The following KPNA1 variants were observed in gnomAD, a reference collection of about 807,000 sequenced individuals.
The protein encoded by KPNA1 is importin subunit alpha-5.
Under a neutral mutation model 70.5 loss-of-function variants are expected in KPNA1, and 10 were observed. The ratio of observed to expected loss-of-function variants is 0.14; its 90% CI spans 0.09 to 0.24. The LOEUF (loss-of-function observed/expected upper bound fraction) is 0.24, where lower values mean the gene tolerates loss of function less well. Among genes scored for constraint, KPNA1 ranks in the 10% least tolerant of loss-of-function variants. KPNA1 has a pLI of 1.00. For missense variants in KPNA1, 397 were observed against 637.9 expected (o/e 0.62, Z 4.07); for synonymous variants, 192 against 221.9 (o/e 0.87, Z 1.20).
At chr3:122,493,363 A>T (rs2107494955) in intron 2 of KPNA1, among the ~76,000 whole-genome samples, 1 of 152,214 alleles carries the variant, frequency 6.6e-6, no homozygotes, top group South Asian at 2.1e-4. Context: ...AGAAAAAAAA[A>T]AAAACAGTAT....
At chr3:122,455,277 T>C (rs2107739780) in intron 5 of KPNA1, among the ~76,000 whole-genome samples, 1 of 152,250 alleles carries the variant, frequency 6.6e-6, no homozygotes, top group Admixed American at 6.5e-5. Context: ...CCAATGGATG[T>C]TCCAAAGAAA....
At chr3:122,512,714 T>G (rs979184811) in intron 1 of KPNA1, among the ~76,000 whole-genome samples, 3 of 152,150 alleles carry the variant, frequency 2.0e-5, no homozygotes, top group African/African-American at 7.2e-5. Flanking sequence ...AGAGCAAGCA[T>G]CCAAAAAAAT....
chr3:122,449,839 G>A, intron 8 of KPNA1, 102 bp from the exon 9 acceptor site: 1 of 883,774 alleles, frequency 1.1e-6, no homozygotes, highest in African/African-American at 1.7e-5. Flanking sequence ...GTGACTTCTA[G>A]GGTGATTTAC....
intron 11 of KPNA1, among the ~76,000 whole-genome samples, chr3:122,436,349 T>C (rs7626861): frequency 0.12 from 18,494 of 152,294 alleles, 1,326 homozygotes; most frequent in East Asian, 0.32. Flanking sequence ...TGATATTTTA[T>C]TGCCTTGTGA....
intron 11 of KPNA1, among the ~76,000 whole-genome samples, chr3:122,436,723 A>G (rs1159665085): frequency 6.6e-6 from 1 of 152,234 alleles, no homozygotes; most frequent in African/African-American, 2.4e-5. Flanking sequence ...AAAGCTGACT[A>G]TGAAATAAGA....
intron 2 of KPNA1, among the ~76,000 whole-genome samples, chr3:122,479,175 AAAAC>A (rs1190806433): frequency 1.3e-5 from 2 of 152,224 alleles, no homozygotes; most frequent in Admixed American, 6.5e-5. Flanking sequence ...ACTTAACAGG[AAAAC>A]AAACAACCCA....
At chr3:122,486,386 T>C (rs749186105) in intron 2 of KPNA1, among the ~76,000 whole-genome samples, 25 of 152,212 alleles carry the variant, frequency 1.6e-4, no homozygotes, top group Non-Finnish European at 3.5e-4. Flanking sequence ...ACACGTTGCA[T>C]AATTCCATTT....
chr3:122,449,565 A>T lies in KPNA1; in HGVS notation c.917+9T>A, dbSNP rs1560026376. ...AGAAAGTGGACACACTTTCTAAAAG[A>T]TATCTTACATCAGCAGTTCCACAAG... On this transcript the variant is annotated intron_variant, in intron 9 of 13. Transcript: ENST00000344337. The T allele has an allele frequency of 6.2e-7, 1 of 1,602,508 alleles. No individual in the cohort carries two copies. Among genetic ancestry groups the T allele is most frequent in the Admixed American group, 1.7e-5 (1 of 57,824 alleles).
intron 2 of KPNA1, among the ~76,000 whole-genome samples, chr3:122,494,444 G>A (rs2076734366): frequency 6.6e-6 from 1 of 152,166 alleles, no homozygotes. Flanking sequence ...TTGGTTGACA[G>A]TATGGGGCTT....
intron 1 of KPNA1, among the ~76,000 whole-genome samples, chr3:122,499,235 GA>G (rs1482350264): frequency 5.3e-5 from 8 of 152,132 alleles, no homozygotes; most frequent in Non-Finnish European, 1.2e-4. Flanking sequence ...ATGTTGAATA[GA>G]AATAGAGCAG....
intron 2 of KPNA1, among the ~76,000 whole-genome samples, chr3:122,475,012 T>C (rs908514364): frequency 6.6e-6 from 1 of 152,076 alleles, no homozygotes; most frequent in Non-Finnish European, 1.5e-5. Context: ...GCCAGAGCAA[T>C]TAGGCAAGAG....
At chr3:122,439,625 T>G (rs1008254570) in intron 10 of KPNA1, among the ~76,000 whole-genome samples, 1 of 152,228 alleles carries the variant, frequency 6.6e-6, no homozygotes. Context: ...AGCAGCTTAT[T>G]ATTTCTAGAG....
chr3:122,445,249 G>A (rs1484346131), intron 9 of KPNA1, among the ~76,000 whole-genome samples: 1 of 152,110 alleles, frequency 6.6e-6, no homozygotes. Context: ...CAAGAACTTC[G>A]TGACGTATGC....
chr3:122,495,262 C>CAAAAAAAAAAAAAAAAA lies in KPNA1; in HGVS notation c.129+1174_129+1175insTTTTTTTTTTTTTTTTT, dbSNP rs748751423. 8.4e-3 allele frequency among the ~76,000 whole-genome samples: 711 copies of CAAAAAAAAAAAAAAAAA among 85,022 alleles called. 2 individuals are homozygous for CAAAAAAAAAAAAAAAAA. Among genetic ancestry groups the CAAAAAAAAAAAAAAAAA allele is most frequent in the Middle Eastern group, 0.017 (3 of 176 alleles). 55.8% of individuals were successfully genotyped at this position (85,022 alleles called of 152,430 possible). ...GAGCGAGACTCTGCCTCAAACAAAC[C>CAAAAAAAAAAAAAAAAA]AAAAAAAAAAAAAGAAAAGGAAATT... On this transcript the variant is annotated intron_variant, in intron 2 of 13. Transcript: ENST00000344337.
chr3:122,497,570 T>A (rs1205697837), intron 1 of KPNA1, among the ~76,000 whole-genome samples: 1 of 152,214 alleles, frequency 6.6e-6, no homozygotes, highest in Non-Finnish European at 1.5e-5. Flanking sequence ...TATCTCCACA[T>A]CCTTGCCAGC....
chr3:122,476,259 C>G (rs562090342), intron 2 of KPNA1, among the ~76,000 whole-genome samples: 1 of 152,136 alleles, frequency 6.6e-6, no homozygotes, highest in Admixed American at 6.5e-5. Flanking sequence ...GAAACTGAAC[C>G]TTTATCCCAC....
chr3:122,504,800 G>A (rs2076871886), intron 1 of KPNA1, among the ~76,000 whole-genome samples: 1 of 152,092 alleles, frequency 6.6e-6, no homozygotes, highest in African/African-American at 2.4e-5. Context: ...TTGGGTGAGA[G>A]AGAGAGAGAG....
chr3:122,427,219 T>G, intron 13 of KPNA1, 47 bp from the exon 14 acceptor site: 1 of 1,362,894 alleles, frequency 7.3e-7, no homozygotes, highest in Non-Finnish European at 1.0e-6. Context: ...CTTCAATAAA[T>G]ATTGGAAATT....
intron 2 of KPNA1, among the ~76,000 whole-genome samples, chr3:122,493,986 T>C (rs1331066037): frequency 1.3e-5 from 2 of 152,198 alleles, no homozygotes; most frequent in Non-Finnish European, 2.9e-5. Context: ...TTTCATGTCC[T>C]GTGCCCACGT....
Sources: allele counts gnomAD v4.1 joint callset (sites outside exome capture counted in the v4.1 genomes callset), GRCh38; gene constraint gnomAD v4.1.1; transcripts MANE v1.5; gene names NCBI Gene and HGNC (gene_info 2026-07-23, HGNC 2026-07-21).